Variants in DHX57 observed in about 807,000 individuals in gnomAD.
The protein encoded by DHX57 is putative ATP-dependent RNA helicase DHX57.
Under a neutral mutation model 156.2 loss-of-function variants are expected in DHX57, and 105 were observed. The observed-to-expected ratio is 0.67, with a 90% confidence interval of 0.57 to 0.79. The LOEUF is 0.79. Ranked by LOEUF, DHX57 falls within the 30% of genes least tolerant of loss-of-function variation. The probability of loss-of-function intolerance (pLI) is 0.00; values close to 1 mark genes in which losing one functional copy is unlikely to be tolerated. For missense variants in DHX57, 1,847 were observed against 1,661.9 expected, an observed-to-expected ratio of 1.11 and a Z score of -1.94; for synonymous variants, 704 against 595.6, an observed-to-expected ratio of 1.18 and a Z score of -2.65.
intron 17 of DHX57, among the ~76,000 whole-genome samples, chr2:38,820,591 A>G (rs986738397): frequency 2.0e-5 from 3 of 152,010 alleles, no homozygotes; most frequent in Non-Finnish European, 2.9e-5. Flanking sequence ...TGGTTTTATC[A>G]TTTCTTTTTT....
At chr2:38,800,129 G>A (rs1368880230) in intron 23 of DHX57, among the ~76,000 whole-genome samples, 33 of 150,386 alleles carry the variant, frequency 2.2e-4, no homozygotes, top group Non-Finnish European at 8.8e-5. Context: ...AGGCTGTGGT[G>A]AGCCGAGATG....
At chr2:38,868,091 C>G in intron 2 of DHX57, 91 bp downstream of exon 2, 1 of 1,490,106 alleles carries the variant, frequency 6.7e-7, no homozygotes, top group Non-Finnish European at 9.1e-7. Context: ...CAGAATTACT[C>G]GACTTTTTTT....
Position 38,831,788 on chromosome 2 carries a change from C to T in DHX57, c.2543-3352G>A, listed in dbSNP as rs187367612. On this transcript the variant is annotated intron_variant, in intron 13 of 23. Coordinates refer to ENST00000457308, the MANE Select transcript of DHX57 (RefSeq NM_198963.3). The stretch of plus-strand genomic sequence containing the variant: ...AGGAGAATCACTTGAACCCGGGAGG[C>T]GGAGGTTGCAGTGAGCTGAGATCAC... Among the ~76,000 whole-genome samples, 1,119 of 147,382 alleles carry T rather than the reference C, an allele frequency of 7.6e-3. 7 individuals carry two copies. The highest frequency in any genetic ancestry group is 0.01 in the Non-Finnish European group (694 of 67,198).
At chr2:38,854,755 T>C (rs541628248) in intron 8 of DHX57, 2 of 240,246 alleles carry the variant, frequency 8.3e-6, no homozygotes, top group East Asian at 2.1e-4. Flanking sequence ...AGAGATGGGG[T>C]TTCTCCATGT....
At chr2:38,848,863 C>T (rs770218604) in intron 9 of DHX57, among the ~76,000 whole-genome samples, 1 of 152,156 alleles carries the variant, frequency 6.6e-6, no homozygotes, top group Non-Finnish European at 1.5e-5. Context: ...GTCATGTCAG[C>T]ACTCAAGAAG....
At chr2:38,849,529 T>C (rs1478311664) in intron 9 of DHX57, among the ~76,000 whole-genome samples, 2 of 137,726 alleles carry the variant, frequency 1.5e-5, no homozygotes, top group Non-Finnish European at 3.1e-5. Flanking sequence ...CTAGCCGATA[T>C]AGCAAGACCC....
Position 38,847,009 on chromosome 2 carries a change from T to C in DHX57, c.2219+10A>G, listed in dbSNP as rs753142313. The C allele has an allele frequency of 5.6e-6, 9 of 1,608,874 alleles. No individual in the cohort carries two copies. The highest frequency in any genetic ancestry group is 6.0e-6 in the Non-Finnish European group (7 of 1,175,834). On this transcript the variant is annotated intron_variant, in intron 11 of 23. Transcript: ENST00000457308. ...TCCTTTCACTGAATCTTAATTAATATCTTCCTTACCTTGTCACAGCAATTG... is the reference window on the plus strand; with the variant it reads ...TCCTTTCACTGAATCTTAATTAATACCTTCCTTACCTTGTCACAGCAATTG...
chr2:38,836,502 A>G (rs1045221828), intron 13 of DHX57, among the ~76,000 whole-genome samples: 1 of 152,174 alleles, frequency 6.6e-6, no homozygotes, highest in Admixed American at 6.5e-5. Flanking sequence ...CACCAGGTGC[A>G]GTGGCTCACG....
intron 5 of DHX57, among the ~76,000 whole-genome samples, chr2:38,859,817 C>CTTT (rs200526041): frequency 1.5e-5 from 2 of 135,676 alleles, no homozygotes; most frequent in African/African-American, 5.5e-5. Flanking sequence ...AAAGAGGATC[C>CTTT]TTTTTTTTTT....
chr2:38,827,533 T>TATATATATATATATATATATAC (rs1222862055), intron 14 of DHX57, among the ~76,000 whole-genome samples: 2 of 48,264 alleles, frequency 4.1e-5, no homozygotes, highest in African/African-American at 1.3e-4. Context: ...TATATATATA[T>TATATATATATATATATATATAC]ACACACATAC....
At chr2:38,865,270 T>G (rs1572711361) in intron 2 of DHX57, among the ~76,000 whole-genome samples, 2 of 152,090 alleles carry the variant, frequency 1.3e-5, no homozygotes, top group Admixed American at 1.3e-4. Flanking sequence ...CGGTTGGAGG[T>G]AGTTGAATCA....
chr2:38,807,697 G>C (rs1455073358), intron 21 of DHX57, among the ~76,000 whole-genome samples: 1 of 151,518 alleles, frequency 6.6e-6, no homozygotes, highest in East Asian at 1.9e-4. Flanking sequence ...GCCCAGGCTG[G>C]AGTGCAACGG....
At chr2:38,865,519 G>A (rs1665025602) in intron 2 of DHX57, among the ~76,000 whole-genome samples, 1 of 152,072 alleles carries the variant, frequency 6.6e-6, no homozygotes, top group South Asian at 2.1e-4. Flanking sequence ...CTCAGTCTTG[G>A]GTATGTCCTT....
rs573169388 is a variant in DHX57, at chr2:38,797,753, G to A, written c.*546C>T. 1 of 152,526 alleles carries A rather than the reference G, an allele frequency of 6.6e-6. No homozygotes were observed. The highest frequency in any genetic ancestry group is 1.5e-5 in the Non-Finnish European group (1 of 68,110). 9.4% of individuals were successfully genotyped at this position (152,526 alleles called of 1,614,324 possible). A position where few individuals can be genotyped will look rare whatever the true frequency, so the allele number is the denominator to read the frequency against. ...ATTTTTTTAAGTTGACTTTTAATGA[G>A]TAAAAATAAAAACCCCTCACAAGTC... On this transcript the variant is annotated 3_prime_UTR_variant, in exon 24 of 24. Transcript: ENST00000457308.
At chr2:38,864,243 A>T (rs868709655) in intron 2 of DHX57, among the ~76,000 whole-genome samples, 11 of 102,564 alleles carry the variant, frequency 1.1e-4, no homozygotes, top group Non-Finnish European at 2.3e-4. Flanking sequence ...ATTTCTGATT[A>T]TTAAAAAAAA....
chr2:38,822,121 G>A (rs1670849813), intron 17 of DHX57, among the ~76,000 whole-genome samples: 1 of 151,784 alleles, frequency 6.6e-6, no homozygotes, highest in African/African-American at 2.4e-5. Context: ...TTTCGCTCTT[G>A]TTGCCCAGGC....
chr2:38,811,063 T>C (rs928734419), intron 21 of DHX57: 5 of 623,822 alleles, frequency 8.0e-6, no homozygotes, highest in Admixed American at 7.9e-5. Flanking sequence ...TGTAGAGACC[T>C]GAAGGTGGTT....
rs565212093 is a variant in DHX57, at chr2:38,814,528, C to G, written c.3607-633G>C. ...GAATCTCCAGAAAGTGCTAACTGCA[C>G]TCGGAACACAGGAGCATCAGGTTCA... On this transcript the variant is annotated intron_variant, in intron 20 of 23. Coordinates refer to ENST00000457308, the MANE Select transcript of DHX57 (RefSeq NM_198963.3). Among the ~76,000 whole-genome samples the G allele has an allele frequency of 3.3e-5, 5 of 152,244 alleles. No individual in the cohort carries two copies. The South Asian group carries it at 1.0e-3, about 32-fold the overall frequency.
chr2:38,851,642 T>C (rs1471174203), intron 9 of DHX57, among the ~76,000 whole-genome samples: 2 of 152,314 alleles, frequency 1.3e-5, no homozygotes, highest in East Asian at 3.9e-4. Context: ...TAAAAATCTT[T>C]CTCCTATTTT....
Sources: gnomAD v4.1 joint callset for allele counts (sites outside exome capture counted in the v4.1 genomes callset) on GRCh38, gnomAD v4.1.1 for gene constraint, MANE v1.5 for transcripts, NCBI Gene and HGNC (gene_info 2026-07-23, HGNC 2026-07-21) for gene names.